Variants in PIK3CD observed in about 807,000 individuals in gnomAD.
The protein encoded by PIK3CD is phosphatidylinositol-4,5-bisphosphate 3-kinase catalytic subunit delta, also known as phosphatidylinositol 4,5-bisphosphate 3-kinase catalytic subunit delta isoform.
Under a neutral mutation model 122.9 loss-of-function variants are expected in PIK3CD, and 20 were observed. The observed-to-expected ratio is 0.16, with a 90% CI of 0.11 to 0.24. PIK3CD has a LOEUF of 0.24. Ranked by LOEUF, PIK3CD falls within the 10% of genes least tolerant of loss-of-function variation. The pLI is 1.00. For missense variants in PIK3CD, 787 were observed against 1,406.3 expected, an observed-to-expected ratio of 0.56 and a Z score of 7.04; for synonymous variants, 596 against 593.4, an observed-to-expected ratio of 1.00 and a Z score of -0.06.
At chr1:9,667,593 GTCTCCATCTCCTGAACTCGTGA>G (rs1035023845) in intron 1 of PIK3CD, among the ~76,000 whole-genome samples, 3 of 151,704 alleles carry the variant, frequency 2.0e-5, no homozygotes, top group African/African-American at 7.3e-5. Flanking sequence ...AGCCAGGATA[GTCTCCATCTCCTGAACTCGTGA>G]TCTGCCCGCC....
chr1:9,630,013 C>A, the PIK3CD span, among the ~76,000 whole-genome samples: 2 of 152,250 alleles, frequency 1.3e-5, no homozygotes, highest in Admixed American at 1.3e-4. Flanking sequence ...GAGGAGTGTG[C>A]TTTGCACTCT....
chr1:9,657,321 C>T (rs1245872347), intron 1 of PIK3CD, among the ~76,000 whole-genome samples: 1 of 152,262 alleles, frequency 6.6e-6, no homozygotes, highest in South Asian at 2.1e-4. Context: ...GGGGTTAAGA[C>T]CTATCTTTGT....
intron 1 of PIK3CD, among the ~76,000 whole-genome samples, chr1:9,659,401 A>G (rs116299926): frequency 6.6e-6 from 1 of 152,200 alleles, no homozygotes; most frequent in Non-Finnish European, 1.5e-5. Flanking sequence ...TATACATAAC[A>G]TAAAATTTAC....
rs1353250295 is a variant in PIK3CD at position 9,700,405 on chromosome 1, C to T, written c.-33+8834C>T. ...CAGAACCCCATGTGCGGGAGGGCTC[C>T]GCTTTGCACAGCTGTTTCTGTGGAT... On this transcript the variant is annotated intron_variant, in intron 2 of 23. Coordinates refer to ENST00000377346, the MANE Select transcript of PIK3CD (RefSeq NM_005026.5). This position sits in a 1 kb window ranked among gnomAD's most constrained non-coding sequence, Gnocchi z 5.1. Among the ~76,000 whole-genome samples, 1 of 152,280 alleles carries T rather than the reference C, an allele frequency of 6.6e-6. No homozygotes were observed. The highest frequency in any genetic ancestry group is 2.1e-4 in the South Asian group (1 of 4,824).
the PIK3CD span, among the ~76,000 whole-genome samples, chr1:9,632,161 C>T: frequency 3.9e-5 from 6 of 151,966 alleles, no homozygotes; most frequent in Admixed American, 2.0e-4. Flanking sequence ...TACAGGCATG[C>T]GCCACCACGC....
intron 13 of PIK3CD, 33 bp from the exon 14 acceptor site, chr1:9,721,094 G>A: frequency 6.3e-7 from 1 of 1,590,118 alleles, no homozygotes; most frequent in Non-Finnish European, 8.6e-7. Context: ...CCTGACCCCG[G>A]CCGCCCCCAA....
chr1:9,669,734 C>T (rs1174641459), intron 1 of PIK3CD, among the ~76,000 whole-genome samples: 1 of 152,092 alleles, frequency 6.6e-6, no homozygotes, highest in Non-Finnish European at 1.5e-5. Context: ...CTGCATTTTC[C>T]TCTTTACTGC....
intron 1 of PIK3CD, among the ~76,000 whole-genome samples, chr1:9,667,908 G>GTTTTTT (rs745429754): frequency 1.5e-4 from 8 of 55,136 alleles, no homozygotes; most frequent in East Asian, 6.3e-4. Context: ...GCTAATTTTT[G>GTTTTTT]TTTTTTTTTT....
chr1:9,676,593 G>A (rs1235555505), intron 1 of PIK3CD, among the ~76,000 whole-genome samples: 1 of 152,220 alleles, frequency 6.6e-6, no homozygotes, highest in Non-Finnish European at 1.5e-5. Flanking sequence ...TGACCTAGGT[G>A]TCCTTGAGCT....
the PIK3CD span, among the ~76,000 whole-genome samples, chr1:9,627,426 G>A: frequency 4.6e-4 from 70 of 152,382 alleles, no homozygotes; most frequent in Non-Finnish European, 9.0e-4. Flanking sequence ...GCATCCAACA[G>A]GCTGGGGTTT....
chr1:9,646,450 A>G, the PIK3CD span, among the ~76,000 whole-genome samples: 1 of 152,220 alleles, frequency 6.6e-6, no homozygotes, highest in East Asian at 1.9e-4. Context: ...CTTACCCAGA[A>G]TCTTTGACAA....
At chr1:9,654,242 G>A (rs1644770109) in intron 1 of PIK3CD, 1 of 1,367,706 alleles carries the variant, frequency 7.3e-7, no homozygotes. Context: ...AGGTACTCCC[G>A]ACCACGCAGA....
the PIK3CD span, among the ~76,000 whole-genome samples, chr1:9,645,301 G>A: frequency 3.3e-5 from 5 of 151,966 alleles, no homozygotes; most frequent in Non-Finnish European, 7.4e-5. Context: ...TTAGAGGCGT[G>A]AGCCACCGCT....
At chr1:9,726,838 C>T (rs1570412920) in intron 23 of PIK3CD, 71 bp from the exon 24 acceptor site, 1 of 1,595,280 alleles carries the variant, frequency 6.3e-7, no homozygotes, top group South Asian at 1.1e-5. Flanking sequence ...TCTGAAGTCC[C>T]CAGAGAGGGA....
At chr1:9,639,823 G>A in the PIK3CD span, among the ~76,000 whole-genome samples, 81 of 152,092 alleles carry the variant, frequency 5.3e-4, no homozygotes, top group African/African-American at 1.7e-3. Context: ...TCTGCCTCCC[G>A]GGTTCAAGCG....
At chr1:9,680,060 G>A (rs929701504) in intron 1 of PIK3CD, among the ~76,000 whole-genome samples, 1 of 152,122 alleles carries the variant, frequency 6.6e-6, no homozygotes, top group African/African-American at 2.4e-5. Context: ...CTTAACCTCA[G>A]GTGATCCACC....
At chr1:9,713,213 G>A (rs1048534697) in intron 3 of PIK3CD, among the ~76,000 whole-genome samples, 2 of 151,954 alleles carry the variant, frequency 1.3e-5, no homozygotes, top group African/African-American at 2.4e-5. Flanking sequence ...GTGGTGGCAT[G>A]TGCCTGTGAT....
the PIK3CD span, among the ~76,000 whole-genome samples, chr1:9,637,179 G>A: frequency 6.6e-6 from 1 of 152,162 alleles, no homozygotes; most frequent in Non-Finnish European, 1.5e-5. Flanking sequence ...TTACAGGTAT[G>A]AGCTACTGGC....
Position 9,724,398 on chromosome 1 carries a change from T to A in PIK3CD, c.2841T>A (p.Thr947=). 6.2e-7 allele frequency: 1 copy of A among 1,614,068 alleles called. No individual in the cohort carries two copies. The change falls in exon 22 of 24, where the codon ACT becomes ACA. Residue 947 remains threonine (T), a synonymous_variant. Coordinates refer to ENST00000377346, the MANE Select transcript of PIK3CD (RefSeq NM_005026.5). The surrounding 1 kb of genome is among the most constrained non-coding windows in gnomAD (Gnocchi z 7.3). Reference sequence around the variant, plus strand: ...TCCATGTGATTCAGCAGGGGAAGACTAATAATAGTGAGAAATTTGAACGGT... The same window carrying A: ...TCCATGTGATTCAGCAGGGGAAGACAAATAATAGTGAGAAATTTGAACGGT... The part of the protein sequence containing the change: ...DFVHVIQQGK[T]NNSEKFERFR...
Sources: gnomAD v4.1 joint callset for allele counts (sites outside exome capture counted in the v4.1 genomes callset) on GRCh38, gnomAD v4.1.1 for gene constraint, Gnocchi (gnomAD v3.1) non-coding constraint, MANE v1.5 for transcripts, NCBI Gene and HGNC (gene_info 2026-07-23, HGNC 2026-07-21) for gene names.